The following PKHD1 variants were observed in gnomAD, a reference collection of about 807,000 sequenced individuals.
PKHD1 encodes PKHD1 ciliary IPT domain containing fibrocystin/polyductin.
Under a neutral mutation model 412.0 loss-of-function variants are expected in PKHD1, and 291 were observed. The ratio of observed to expected loss-of-function variants is 0.71; its 90% confidence interval spans 0.64 to 0.78. PKHD1 has a LOEUF of 0.78. Among genes scored for constraint, PKHD1 ranks in the 30% least tolerant of loss-of-function variants. PKHD1 has a pLI of 0.00. For missense variants in PKHD1, 4,825 were observed against 4,950.7 expected, an observed-to-expected ratio of 0.97 and a Z score of 0.76; for synonymous variants, 1,777 against 1,821.5, an observed-to-expected ratio of 0.98 and a Z score of 0.62.
At chr6:51,662,839 T>A (rs1194040907) in intron 60 of PKHD1, among the ~76,000 whole-genome samples, 1 of 152,034 alleles carries the variant, frequency 6.6e-6, no homozygotes, top group African/African-American at 2.4e-5. Flanking sequence ...TCTTTAAAAT[T>A]GACACAAGAT....
chr6:51,924,660 G>A (rs1785241271), intron 37 of PKHD1, among the ~76,000 whole-genome samples: 1 of 152,202 alleles, frequency 6.6e-6, no homozygotes. Flanking sequence ...GAGATAGAGA[G>A]AAGGATATGG....
At position 51,712,359 on chromosome 6, in the gene PKHD1, A is replaced by T. The variant is rs75294191; in HGVS notation, c.10156+32026T>A. On this transcript the variant is annotated intron_variant, in intron 60 of 66. Transcript: ENST00000371117. ...GGAGAGGAAGAAGATTTGGAGGGTC[A>T]GAAGTACTCAAGGGGGTCAGAAATG... Among the ~76,000 whole-genome samples, 458 of 152,320 alleles carry T rather than the reference A, an allele frequency of 3.0e-3. 3 individuals carry two copies. Among genetic ancestry groups the T allele is most frequent in the African/African-American group, 0.011 (442 of 41,582 alleles).
At position 51,854,054 on chromosome 6, in the gene PKHD1, C is replaced by T. The variant is rs925364964; in HGVS notation, c.7911+1839G>A. Among the ~76,000 whole-genome samples the T allele has an allele frequency of 3.9e-5, 6 of 152,060 alleles. No homozygotes were observed. In the South Asian group the frequency reaches 6.2e-4, roughly 16 times the overall value. On this transcript the variant is annotated intron_variant, in intron 49 of 66. Transcript: ENST00000371117. ...GTTGATTCTTTTTCATCCTTTTGAGCTTGTCTAGTTTTGGTCTTTGAGGCT... is the reference window on the plus strand; with the variant it reads ...GTTGATTCTTTTTCATCCTTTTGAGTTTGTCTAGTTTTGGTCTTTGAGGCT...
chr6:51,873,502 G>T (rs1776338496), intron 46 of PKHD1, among the ~76,000 whole-genome samples: 1 of 152,112 alleles, frequency 6.6e-6, no homozygotes, highest in African/African-American at 2.4e-5. Flanking sequence ...CTTGTTCTTA[G>T]TTGTATACAT....
At chr6:51,683,352 G>T (rs1279798717) in intron 60 of PKHD1, among the ~76,000 whole-genome samples, 1 of 152,036 alleles carries the variant, frequency 6.6e-6, no homozygotes, top group Non-Finnish European at 1.5e-5. Flanking sequence ...AGACAGAATG[G>T]CTTACTTATA....
At chr6:51,956,282 G>A (rs947648227) in intron 36 of PKHD1, among the ~76,000 whole-genome samples, 1 of 140,470 alleles carries the variant, frequency 7.1e-6, no homozygotes, top group South Asian at 2.4e-4. Context: ...ATATGTAAGT[G>A]TATATGTGTG....
intron 35 of PKHD1, among the ~76,000 whole-genome samples, chr6:51,998,483 C>T (rs1278847089): frequency 6.6e-6 from 1 of 152,216 alleles, no homozygotes; most frequent in East Asian, 1.9e-4. Context: ...AGGTTACTAG[C>T]ACTTAACTGG....
rs1458192435 is a variant in PKHD1 at position 51,836,515 on chromosome 6, T to C, written c.8108-46A>G. ...CTTGCATGTGATACAAAGATCATCT[T>C]AATATTAAAGACAGTCACACGTGAG... On this transcript the variant is annotated intron_variant, in intron 50 of 66. Transcript: ENST00000371117. 6 of 1,335,612 alleles carry C rather than the reference T, an allele frequency of 4.5e-6. No homozygotes were observed. In the Admixed American group the frequency reaches 1.0e-4, roughly 22 times the overall value. 82.7% of individuals were successfully genotyped at this position (1,335,612 alleles called of 1,614,324 possible).
At position 52,024,972 on chromosome 6, in the gene PKHD1, C is replaced by A; in HGVS notation, c.4838G>T (p.Cys1613Phe). The A allele has an allele frequency of 6.2e-7, 1 of 1,614,212 alleles. No homozygotes were observed. The highest frequency in any genetic ancestry group is 1.1e-5 in the South Asian group (1 of 91,088). Reference sequence around the variant, plus strand: ...CTCAGCACCGATGTTCACCGTCAGGCAGGTCTGCTGGTCAATATAGACTGA... The same window carrying A: ...CTCAGCACCGATGTTCACCGTCAGGAAGGTCTGCTGGTCAATATAGACTGA... ...TTSVYIDQQT[C>F]LTVNIGAELI... Residue 1613 changes from cysteine (C) to phenylalanine (F), a missense_variant, in exon 32 of 67, where the codon TGC (cysteine) becomes TTC (phenylalanine). Transcript: ENST00000371117.
chr6:51,643,248 C>T (rs1469510933), intron 63 of PKHD1, among the ~76,000 whole-genome samples: 5 of 152,048 alleles, frequency 3.3e-5, no homozygotes, highest in Non-Finnish European at 7.4e-5. Context: ...CAGTGGGCAA[C>T]CTTGGATAAA....
intron 60 of PKHD1, among the ~76,000 whole-genome samples, chr6:51,663,973 A>G (rs553269083): frequency 6.6e-6 from 1 of 152,308 alleles, no homozygotes; most frequent in Admixed American, 6.5e-5. Context: ...CATTAAATAA[A>G]TACACATGGG....
chr6:51,893,450 G>A (rs965579326), intron 43 of PKHD1, among the ~76,000 whole-genome samples: 1 of 152,210 alleles, frequency 6.6e-6, no homozygotes, highest in African/African-American at 2.4e-5. Context: ...TCCTCTGTTA[G>A]CTGATAAGAC....
At chr6:51,796,475 GC>G (rs2151295476) in intron 52 of PKHD1, among the ~76,000 whole-genome samples, 1 of 150,448 alleles carries the variant, frequency 6.6e-6, no homozygotes, top group East Asian at 2.0e-4. Flanking sequence ...TTTTTTGAAG[GC>G]TTTTCATGTC....
chr6:52,053,263 C>G lies in PKHD1; in HGVS notation c.1965-12G>C. 1 of 1,613,832 alleles carries G rather than the reference C, an allele frequency of 6.2e-7. No homozygotes were observed. The highest frequency in any genetic ancestry group is 8.5e-7 in the Non-Finnish European group (1 of 1,179,876). On this transcript the variant is annotated splice_polypyrimidine_tract_variant and intron_variant, in intron 20 of 66. Coordinates refer to ENST00000371117, the MANE Select transcript of PKHD1 (RefSeq NM_138694.4). ...AATCGAACTGCCAGCTGAAAAACAG[C>G]ATGGAGCAGAACTGGGCTCTCAGGG...
chr6:51,819,392 T>A (rs1320176723), intron 52 of PKHD1, among the ~76,000 whole-genome samples: 3 of 152,222 alleles, frequency 2.0e-5, no homozygotes, highest in Admixed American at 6.5e-5. Context: ...GGAAACACTT[T>A]GAGAAATCCT....
rs140108975 is a variant in PKHD1, at chr6:51,919,293, A to G, written c.6122-6717T>C. 9.7e-3 allele frequency among the ~76,000 whole-genome samples: 1,471 copies of G among 152,230 alleles called. 8 individuals carry two copies. Among genetic ancestry groups the G allele is most frequent in the Non-Finnish European group, 0.015 (996 of 68,016 alleles). On this transcript the variant is annotated intron_variant, in intron 37 of 66. Transcript: ENST00000371117. ...CATTTAAGACTTTAATCAAACTTGA[A>G]TTAATTTTTGTATAAGGTGTAAGGA...
intron 50 of PKHD1, among the ~76,000 whole-genome samples, chr6:51,841,334 A>C (rs1228506006): frequency 6.6e-6 from 1 of 152,166 alleles, no homozygotes; most frequent in Non-Finnish European, 1.5e-5. Context: ...AACCTGAGTG[A>C]TTCCTAAAAG....
intron 60 of PKHD1, among the ~76,000 whole-genome samples, chr6:51,666,375 T>C (rs1253453647): frequency 6.6e-6 from 1 of 152,188 alleles, no homozygotes; most frequent in Non-Finnish European, 1.5e-5. Context: ...GTATTGCTTC[T>C]TCATATAACA....
chr6:51,765,188 T>G (rs183262964), intron 55 of PKHD1, among the ~76,000 whole-genome samples: 77 of 152,172 alleles, frequency 5.1e-4, no homozygotes, highest in African/African-American at 1.8e-3. Context: ...CCACATGCAG[T>G]CATCAGGAGG....
Sources: allele counts gnomAD v4.1 joint callset (sites outside exome capture counted in the v4.1 genomes callset), GRCh38; gene constraint gnomAD v4.1.1; transcripts MANE v1.5; gene names NCBI Gene and HGNC (gene_info 2026-07-23, HGNC 2026-07-21).